The following CNOT1 variants were observed in gnomAD, a reference collection of about 807,000 sequenced individuals.
CNOT1 encodes CCR4-NOT transcription complex subunit 1.
In CNOT1, 15 loss-of-function variants were observed where a neutral mutation model predicts 273.8. That is an observed-to-expected ratio of 0.05 (90% CI 0.04 to 0.08). CNOT1 has a LOEUF of 0.08. Among genes scored for constraint, CNOT1 ranks in the 10% least tolerant of loss-of-function variants. CNOT1 has a pLI of 1.00. For missense variants in CNOT1, 1,644 were observed against 2,912.2 expected, an observed-to-expected ratio of 0.56 and a Z score of 10.02; for synonymous variants, 1,022 against 1,005.5, an observed-to-expected ratio of 1.02 and a Z score of -0.31.
chr16:58,522,037 AGGCT>A (rs2039399752), intron 47 of CNOT1, among the ~76,000 whole-genome samples: 1 of 151,850 alleles, frequency 6.6e-6, no homozygotes, highest in Non-Finnish European at 1.5e-5. Flanking sequence ...CTAACACTGC[AGGCT>A]GGGCACAGTG....
chr16:58,533,626 C>A (rs2039840350), intron 40 of CNOT1, among the ~76,000 whole-genome samples: 1 of 151,980 alleles, frequency 6.6e-6, no homozygotes, highest in Non-Finnish European at 1.5e-5. Context: ...CAGAGTGAGA[C>A]TCCGTCTCAA....
chr16:58,600,478 G>A lies in CNOT1; in HGVS notation c.-174-967C>T, dbSNP rs144594453. ...AACTTACTTAAAATTAAGGTTTGTG[G>A]AAGGAACATTCATCTCTCATTTTCA... is the stretch of plus-strand genomic sequence containing the variant. On this transcript the variant is annotated intron_variant, in intron 1 of 48. Coordinates refer to ENST00000317147, the MANE Select transcript of CNOT1 (RefSeq NM_016284.5). Among the ~76,000 whole-genome samples the A allele has an allele frequency of 1.1e-3, 164 of 152,288 alleles. 1 individual carries two copies. Among genetic ancestry groups the A allele is most frequent in the Non-Finnish European group, 8.1e-4 (55 of 68,038 alleles).
chr16:58,623,727 G>A (rs1436100085), intron 1 of CNOT1, among the ~76,000 whole-genome samples: 1 of 152,106 alleles, frequency 6.6e-6, no homozygotes, highest in Admixed American at 6.6e-5. Context: ...GCTCATGCCT[G>A]TCTGTAATCC....
chr16:58,539,484 C>CACAT (rs574513570), intron 35 of CNOT1, among the ~76,000 whole-genome samples: 22 of 151,540 alleles, frequency 1.5e-4, no homozygotes, highest in East Asian at 1.4e-3. Context: ...CACACACACA[C>CACAT]ACACACACAG....
At chr16:58,576,905 G>C (rs2041473403) in intron 13 of CNOT1, among the ~76,000 whole-genome samples, 1 of 152,086 alleles carries the variant, frequency 6.6e-6, no homozygotes, top group African/African-American at 2.4e-5. Flanking sequence ...GTTACATCAA[G>C]TTTATATAAT....
At chr16:58,625,945 T>A (rs142594960) in intron 1 of CNOT1, among the ~76,000 whole-genome samples, 1 of 151,526 alleles carries the variant, frequency 6.6e-6, no homozygotes, top group Non-Finnish European at 1.5e-5. Context: ...ATCTTTAAAA[T>A]TGTGAGCAAA....
rs1472207319 is a variant in CNOT1 at position 58,531,938 on chromosome 16, G to A, written c.6177+20C>T. 6.2e-7 allele frequency: 1 copy of A among 1,613,568 alleles called. No individual in the cohort carries two copies. The highest frequency in any genetic ancestry group is 8.5e-7 in the Non-Finnish European group (1 of 1,179,820). ...AGGTAGTTATAGTCTTCATCTACAG[G>A]AGATAAACTGCAGCCACACCTTCTG... On this transcript the variant is annotated intron_variant, in intron 42 of 48. Coordinates refer to ENST00000317147, the MANE Select transcript of CNOT1 (RefSeq NM_016284.5).
At chr16:58,626,498 A>G (rs1338078741) in intron 1 of CNOT1, among the ~76,000 whole-genome samples, 1 of 151,160 alleles carries the variant, frequency 6.6e-6, no homozygotes, top group Admixed American at 6.6e-5. Context: ...ACGGTCACTC[A>G]TGCCTGTAAT....
intron 47 of CNOT1, among the ~76,000 whole-genome samples, chr16:58,522,770 A>G (rs1488066735): frequency 6.6e-6 from 1 of 152,042 alleles, no homozygotes; most frequent in African/African-American, 2.4e-5. Flanking sequence ...CCTCAGAGAA[A>G]CTCCTGACCT....
rs1193562710 is a variant in CNOT1, at chr16:58,520,978, C to T, written c.7111G>A (p.Glu2371Lys). The T allele has an allele frequency of 1.9e-6, 3 of 1,613,818 alleles. No homozygotes were observed. The highest frequency in any genetic ancestry group is 2.7e-5 in the African/African-American group (2 of 74,930). ...TTCGTCTAACTGGCACCTGTCCCTTCCATTACTTGCTGGGCCTGCTTCTGT... is the reference window on the plus strand; with the variant it reads ...TTCGTCTAACTGGCACCTGTCCCTTTCATTACTTGCTGGGCCTGCTTCTGT... The part of the protein sequence containing the change: ...MGQKQAQQVM[E>K]GTGAS The change falls in exon 49 of 49, where the codon GAA (glutamate) becomes AAA (lysine). Residue 2371 changes from glutamate (E) to lysine (K), a missense_variant. This residue lies in a region of CNOT1 where 140 missense variants were observed against 324.6 expected (regional missense o/e 0.43). Coordinates refer to ENST00000317147, the MANE Select transcript of CNOT1 (RefSeq NM_016284.5).
Position 58,588,850 on chromosome 16 carries a change from C to T in CNOT1, c.159G>A (p.Ser53=), listed in dbSNP as rs200340357. Reference sequence around the variant, plus strand: ...TACCATCGCCACTGAAATCCACATGCGAAAATAGGCAGCGTAATAAATGCC... The same window carrying T: ...TACCATCGCCACTGAAATCCACATGTGAAAATAGGCAGCGTAATAAATGCC... ...ADRHLLRCLF[S]HVDFSGDGKS... is the part of the protein sequence containing the mutation. The change falls in exon 3 of 49, where the codon TCG becomes TCA. Residue 53 remains serine (S), a synonymous_variant. Transcript: ENST00000317147. 8.1e-6 allele frequency: 13 copies of T among 1,613,384 alleles called. No homozygotes were observed. The Admixed American group carries it at 8.3e-5, about 10-fold the overall frequency.
At chr16:58,565,722 C>T (rs2041016436) in intron 16 of CNOT1, among the ~76,000 whole-genome samples, 1 of 152,082 alleles carries the variant, frequency 6.6e-6, no homozygotes, top group African/African-American at 2.4e-5. Flanking sequence ...GTGGGCAGAT[C>T]ACTTGAGGTC....
intron 16 of CNOT1, 74 bp from the exon 17 acceptor site, chr16:58,560,436 ATTTT>A (rs71739184): frequency 2.3e-6 from 3 of 1,290,090 alleles, no homozygotes; most frequent in East Asian, 2.8e-5. Context: ...AACCGATCTG[ATTTT>A]TTTTTTTTTT....
chr16:58,611,422 C>T (rs528631669), intron 1 of CNOT1, among the ~76,000 whole-genome samples: 1 of 151,572 alleles, frequency 6.6e-6, no homozygotes, highest in Non-Finnish European at 1.5e-5. Flanking sequence ...GAGCGAGACT[C>T]CATCTCCAAA....
In CNOT1 at chr16:58,547,478, A is replaced by G. The variant is rs187145294; in HGVS notation, c.3639+88T>C. On this transcript the variant is annotated intron_variant, in intron 26 of 48. Transcript: ENST00000317147. This position sits in a 1 kb window ranked among gnomAD's most constrained non-coding sequence, Gnocchi z 4.0. ...TGGGCCAAAATCTTACAAAACCCCA[A>G]TAATCATTAAATAGCTCCAAACAGC... 2 of 1,527,880 alleles carry G rather than the reference A, an allele frequency of 1.3e-6. No homozygotes were observed. The highest frequency in any genetic ancestry group is 4.5e-5 in the East Asian group (2 of 44,080). The allele number at this position is 1,527,880 out of a possible 1,614,324, so 94.6% of individuals were successfully genotyped here.
chr16:58,569,672 G>A (rs2041196645), intron 16 of CNOT1, among the ~76,000 whole-genome samples: 1 of 145,452 alleles, frequency 6.9e-6, no homozygotes, highest in African/African-American at 2.5e-5. Flanking sequence ...TTTGAAGATA[G>A]ATCAATTAAA....
intron 40 of CNOT1, among the ~76,000 whole-genome samples, chr16:58,533,466 C>T (rs2151906396): frequency 6.6e-6 from 1 of 152,046 alleles, no homozygotes; most frequent in South Asian, 2.1e-4. Flanking sequence ...GAAACCCTGT[C>T]TCTACTAAAA....
intron 48 of CNOT1, 36 bp downstream of exon 48, chr16:58,521,147 T>C: frequency 3.1e-6 from 5 of 1,613,442 alleles, no homozygotes; most frequent in Non-Finnish European, 4.2e-6. Context: ...GTCTCCAGTC[T>C]CATTCCTAGA....
chr16:58,534,530 A>AATTATTATTACAATT (rs2039868307), intron 39 of CNOT1, 135 bp from the exon 40 acceptor site: 21 of 1,055,244 alleles, frequency 2.0e-5, no homozygotes, highest in Non-Finnish European at 2.8e-5. Flanking sequence ...CATTGTAATA[A>AATTATTATTACAATT]ATGTATTATC....
Sources: allele counts gnomAD v4.1 joint callset (sites outside exome capture counted in the v4.1 genomes callset), GRCh38; gene constraint gnomAD v4.1.1; regional missense constraint gnomAD v4.1.1; non-coding constraint Gnocchi (gnomAD v3.1); transcripts MANE v1.5; gene names NCBI Gene and HGNC (gene_info 2026-07-23, HGNC 2026-07-21).